The following COL23A1 variants were observed in gnomAD, a reference collection of about 807,000 sequenced individuals.
COL23A1 encodes collagen type XXIII alpha 1 chain.
COL23A1 carries 97 observed loss-of-function variants against 99.3 expected under a neutral mutation model. The observed-to-expected ratio is 0.98, with a 90% CI of 0.83 to 1.16. COL23A1 has a LOEUF of 1.16. Among genes scored for constraint, COL23A1 ranks in the 50% most tolerant of loss-of-function variants. The pLI, the probability that COL23A1 is intolerant of heterozygous loss-of-function variation, is 0.00. For synonymous variants in COL23A1, 320 were observed against 308.2 expected (o/e 1.04, Z -0.40); for missense variants, 762 against 757.4 (o/e 1.01, Z -0.07).
intron 1 of COL23A1, among the ~76,000 whole-genome samples, chr5:178,581,787 A>G (rs1763673979): frequency 1.3e-5 from 2 of 152,102 alleles, no homozygotes; most frequent in Non-Finnish European, 2.9e-5. Flanking sequence ...TCTTGATGGG[A>G]TATACGGTAC....
At chr5:178,574,979 A>G (rs1763277289) in intron 1 of COL23A1, among the ~76,000 whole-genome samples, 1 of 152,216 alleles carries the variant, frequency 6.6e-6, no homozygotes, top group South Asian at 2.1e-4. Flanking sequence ...GCAGTCATTA[A>G]CTAGCAATCT....
chr5:178,498,262 G>T (rs1430352186), intron 2 of COL23A1, among the ~76,000 whole-genome samples: 4 of 62,150 alleles, frequency 6.4e-5, no homozygotes, highest in Non-Finnish European at 1.4e-4. Flanking sequence ...ATATATAAAA[G>T]AACTTAAAAA....
At chr5:178,311,128 G>A (rs1267175424) in intron 2 of COL23A1, among the ~76,000 whole-genome samples, 1 of 152,174 alleles carries the variant, frequency 6.6e-6, no homozygotes, top group African/African-American at 2.4e-5. Flanking sequence ...GCTGGGGAAC[G>A]ACAGTATTTC....
At chr5:178,564,594 G>T (rs1434596501) in intron 1 of COL23A1, among the ~76,000 whole-genome samples, 2 of 152,120 alleles carry the variant, frequency 1.3e-5, no homozygotes, top group East Asian at 3.8e-4. Context: ...GAGTTTCTGA[G>T]AAAAAGACCA....
At chr5:178,363,655 C>T (rs1210793218) in intron 2 of COL23A1, among the ~76,000 whole-genome samples, 6 of 152,166 alleles carry the variant, frequency 3.9e-5, no homozygotes, top group Admixed American at 1.3e-4. Flanking sequence ...CACAGGAGCG[C>T]CCCGTCACTC....
chr5:178,435,353 C>G (rs1318239053), intron 2 of COL23A1, among the ~76,000 whole-genome samples: 1 of 152,150 alleles, frequency 6.6e-6, no homozygotes, highest in Non-Finnish European at 1.5e-5. Context: ...ACCACGGTGT[C>G]ACCACTGGAG....
intron 2 of COL23A1, among the ~76,000 whole-genome samples, chr5:178,449,525 G>T (rs533723282): frequency 3.4e-4 from 51 of 152,042 alleles, no homozygotes; most frequent in Non-Finnish European, 6.3e-4. Flanking sequence ...TCTATGGTTG[G>T]ATGCAAAAAG....
intron 5 of COL23A1, among the ~76,000 whole-genome samples, chr5:178,272,351 TGA>T (rs1325839572): frequency 1.3e-5 from 2 of 152,118 alleles, no homozygotes; most frequent in Non-Finnish European, 2.9e-5. Flanking sequence ...CCAGACGGTG[TGA>T]GAGTGGCCAC....
chr5:178,360,568 A>G (rs1299378980), intron 2 of COL23A1, among the ~76,000 whole-genome samples: 1 of 152,236 alleles, frequency 6.6e-6, no homozygotes, highest in East Asian at 1.9e-4. Flanking sequence ...ATCCCTCACT[A>G]GACTGCCAGA....
intron 16 of COL23A1, 91 bp from the exon 17 acceptor site, chr5:178,252,688 C>G: frequency 2.7e-6 from 3 of 1,119,118 alleles, no homozygotes; most frequent in Non-Finnish European, 3.9e-6. Context: ...ATCAAGTCCC[C>G]GTCCAGCTGA....
intron 2 of COL23A1, among the ~76,000 whole-genome samples, chr5:178,326,703 A>AATGAC (rs1386162076): frequency 6.6e-6 from 1 of 152,122 alleles, no homozygotes; most frequent in Admixed American, 6.5e-5. Context: ...GCCCTAGAAA[A>AATGAC]ATGACTCAAT....
intron 2 of COL23A1, among the ~76,000 whole-genome samples, chr5:178,543,173 T>C (rs998319696): frequency 6.6e-6 from 1 of 151,858 alleles, no homozygotes; most frequent in Non-Finnish European, 1.5e-5. Flanking sequence ...AATGGCGCGA[T>C]CTCGGCTCAC....
chr5:178,471,445 G>A (rs1048976038), intron 2 of COL23A1, among the ~76,000 whole-genome samples: 2 of 152,082 alleles, frequency 1.3e-5, no homozygotes, highest in Non-Finnish European at 2.9e-5. Context: ...CGCCATGTTG[G>A]CCAGGTTGGT....
intron 2 of COL23A1, among the ~76,000 whole-genome samples, chr5:178,372,898 T>G (rs1460562954): frequency 5.0e-5 from 7 of 138,920 alleles, no homozygotes; most frequent in African/African-American, 1.7e-4. Flanking sequence ...GATTTCTCTT[T>G]CTTTTCTTTT....
At chr5:178,290,042 G>A (rs2009477) in intron 4 of COL23A1, among the ~76,000 whole-genome samples, 25,439 of 151,940 alleles carry the variant, frequency 0.17, 2,667 homozygotes, top group East Asian at 0.45. Context: ...GCAATTTTTC[G>A]TGCCTCGATT....
intron 2 of COL23A1, among the ~76,000 whole-genome samples, chr5:178,523,161 T>TATATAC (rs1396046819): frequency 6.6e-5 from 6 of 90,876 alleles, no homozygotes; most frequent in African/African-American, 2.3e-4. Flanking sequence ...TATATATATA[T>TATATAC]ACATATATAT....
intron 2 of COL23A1, among the ~76,000 whole-genome samples, chr5:178,442,301 T>A (rs1022061343): frequency 1.3e-5 from 2 of 152,202 alleles, no homozygotes; most frequent in Non-Finnish European, 2.9e-5. Context: ...GGTAATTCCA[T>A]GAGGAAAATT....
At chr5:178,375,247 T>A (rs1377133722) in intron 2 of COL23A1, among the ~76,000 whole-genome samples, 1 of 152,082 alleles carries the variant, frequency 6.6e-6, no homozygotes, top group Non-Finnish European at 1.5e-5. Flanking sequence ...AGACTCGTGG[T>A]TGGCAGGGGC....
intron 24 of COL23A1, 41 bp downstream of exon 24, chr5:178,246,213 G>A (rs545120616): frequency 6.5e-7 from 1 of 1,549,998 alleles, no homozygotes; most frequent in Non-Finnish European, 8.7e-7. Context: ...CCATGACCAG[G>A]TGGCCACGGT....
Sources: gnomAD v4.1 joint callset for allele counts (sites outside exome capture counted in the v4.1 genomes callset) on GRCh38, gnomAD v4.1.1 for gene constraint, MANE v1.5 for transcripts, NCBI Gene and HGNC (gene_info 2026-07-23, HGNC 2026-07-21) for gene names.